Variants in BBS9 observed in about 807,000 individuals in gnomAD.
The protein encoded by BBS9 is protein PTHB1.
BBS9 carries 89 observed loss-of-function variants against 117.7 expected under a neutral mutation model. That is an observed-to-expected ratio of 0.76 (90% CI 0.64 to 0.90). The LOEUF (loss-of-function observed/expected upper bound fraction) is 0.90, where lower values mean the gene tolerates loss of function less well. Ranked by LOEUF, BBS9 falls within the 40% of genes least tolerant of loss-of-function variation. The pLI, the probability that BBS9 is intolerant of heterozygous loss-of-function variation, is 0.00. For synonymous variants in BBS9, 379 were observed against 370.9 expected, an observed-to-expected ratio of 1.02 and a Z score of -0.25; for missense variants, 982 against 1,042.2, an observed-to-expected ratio of 0.94 and a Z score of 0.80.
intron 16 of BBS9, among the ~76,000 whole-genome samples, chr7:33,365,884 G>A (rs1821606654): frequency 6.6e-6 from 1 of 152,204 alleles, no homozygotes; most frequent in Non-Finnish European, 1.5e-5. Flanking sequence ...TATGGCAGGT[G>A]ATGTAATGAC....
intron 19 of BBS9, among the ~76,000 whole-genome samples, chr7:33,413,611 C>T (rs747180131): frequency 6.6e-6 from 1 of 151,866 alleles, no homozygotes; most frequent in Non-Finnish European, 1.5e-5. Context: ...TCTTGTCTTA[C>T]AAGACCACCT....
chr7:33,602,685 C>T (rs781650463), intron 21 of BBS9, among the ~76,000 whole-genome samples: 46 of 152,046 alleles, frequency 3.0e-4, no homozygotes, highest in Non-Finnish European at 4.4e-4. Context: ...GCCGAGTTCA[C>T]GCCATTGCAC....
At chr7:33,438,050 A>G (rs939951459) in intron 19 of BBS9, among the ~76,000 whole-genome samples, 1 of 152,208 alleles carries the variant, frequency 6.6e-6, no homozygotes, top group Admixed American at 6.5e-5. Flanking sequence ...AGAAAAGCAT[A>G]TTGTAACACC....
At chr7:33,458,438 A>G (rs1838964574) in intron 19 of BBS9, among the ~76,000 whole-genome samples, 1 of 152,186 alleles carries the variant, frequency 6.6e-6, no homozygotes, top group Non-Finnish European at 1.5e-5. Flanking sequence ...TTAAATTTCT[A>G]GTCCATTTGT....
At chr7:33,587,362 CT>C (rs1311967564) in intron 21 of BBS9, among the ~76,000 whole-genome samples, 1 of 152,122 alleles carries the variant, frequency 6.6e-6, no homozygotes, top group African/African-American at 2.4e-5. Flanking sequence ...TCTACATCCC[CT>C]TTCCTTAACC....
At chr7:33,634,927 C>T (rs748702732) in intron 21 of BBS9, among the ~76,000 whole-genome samples, 6 of 152,232 alleles carry the variant, frequency 3.9e-5, no homozygotes, top group Non-Finnish European at 7.3e-5. Context: ...ACTCCTCACA[C>T]ATCCCTGCTC....
intron 21 of BBS9, among the ~76,000 whole-genome samples, chr7:33,577,449 TG>T (rs907733204): frequency 6.6e-6 from 1 of 152,196 alleles, no homozygotes; most frequent in Admixed American, 6.5e-5. Flanking sequence ...TTTACACTGT[TG>T]GTGGGAGTGT....
intron 19 of BBS9, among the ~76,000 whole-genome samples, chr7:33,456,462 T>A (rs1043325793): frequency 2.0e-5 from 3 of 152,174 alleles, no homozygotes; most frequent in African/African-American, 7.2e-5. Context: ...AACCTGTGCC[T>A]GTACTAATTT....
intron 5 of BBS9, among the ~76,000 whole-genome samples, chr7:33,197,879 G>T (rs1785188359): frequency 6.6e-6 from 1 of 151,774 alleles, no homozygotes; most frequent in Non-Finnish European, 1.5e-5. Flanking sequence ...TTCTAATATT[G>T]GTAGGCATGC....
chr7:33,462,060 GT>G (rs1353373000), intron 19 of BBS9, among the ~76,000 whole-genome samples: 3 of 152,000 alleles, frequency 2.0e-5, no homozygotes, highest in Admixed American at 1.3e-4. Context: ...AAGATGTATA[GT>G]TTTTTTGTAG....
rs186390458 is a variant in BBS9, at chr7:33,483,352, G to C, written c.2116-22111G>C. Reference sequence around the variant, plus strand: ...TAAATTTTCCGGAACTTTCTATGCTGTAACTTTTGCTTTTTTCACGTGGCT... The same window carrying C: ...TAAATTTTCCGGAACTTTCTATGCTCTAACTTTTGCTTTTTTCACGTGGCT... On this transcript the variant is annotated intron_variant, in intron 19 of 22. Coordinates refer to ENST00000242067, the MANE Select transcript of BBS9 (RefSeq NM_198428.3). Among the ~76,000 whole-genome samples the C allele has an allele frequency of 6.3e-3, 954 of 152,290 alleles. 12 individuals carry two copies. The highest frequency in any genetic ancestry group is 0.022 in the African/African-American group (919 of 41,546).
rs1466761703 is a variant in BBS9, at chr7:33,257,361, A to G, written c.568A>G (p.Thr190Ala). 1.9e-6 allele frequency: 3 copies of G among 1,613,890 alleles called. No homozygotes were observed. Among genetic ancestry groups the G allele is most frequent in the Non-Finnish European group, 1.7e-6 (2 of 1,179,928 alleles). The change falls in exon 6 of 23, where the codon ACA becomes GCA. Residue 190 changes from threonine (T) to alanine (A), a missense_variant. Physicochemically the swap from Thr to Ala is moderately conservative, Grantham distance 58. Coordinates refer to ENST00000242067, the MANE Select transcript of BBS9 (RefSeq NM_198428.3). Reference sequence around the variant, plus strand: ...TGGTCCTCTTGCCTACAGTTCCCGTACAGATTCCTTCCTTACTGTCTCTTC... The same window carrying G: ...TGGTCCTCTTGCCTACAGTTCCCGTGCAGATTCCTTCCTTACTGTCTCTTC... ...LPGPLAYSSRTDSFLTVSSCQ... is the reference protein window; with the variant it reads ...LPGPLAYSSRADSFLTVSSCQ...
intron 19 of BBS9, among the ~76,000 whole-genome samples, chr7:33,409,492 T>C (rs1393800070): frequency 1.3e-5 from 2 of 152,220 alleles, no homozygotes; most frequent in East Asian, 1.9e-4. Flanking sequence ...CTGGGTTCTG[T>C]ATTATCTTCT....
Position 33,349,380 on chromosome 7 carries a change from A to T in BBS9, c.1432+210A>T, listed in dbSNP as rs17170198. On this transcript the variant is annotated intron_variant, in intron 13 of 22. Coordinates refer to ENST00000242067, the MANE Select transcript of BBS9 (RefSeq NM_198428.3). ...TGTTGGGTCAAATTAATCTTTTACG[A>T]TTACAGATTTCTAGGTGCTTTTCTG... is the stretch of plus-strand genomic sequence containing the variant. The T allele has an allele frequency of 4.3e-3, 2,481 of 582,362 alleles. 55 individuals carry two copies. Among genetic ancestry groups the T allele is most frequent in the African/African-American group, 0.041 (2,249 of 54,226 alleles). 36.1% of individuals were successfully genotyped at this position (582,362 alleles called of 1,614,324 possible). A position where few individuals can be genotyped will look rare whatever the true frequency, so the allele number is the denominator to read the frequency against.
intron 19 of BBS9, among the ~76,000 whole-genome samples, chr7:33,412,945 A>G (rs1831392051): frequency 6.6e-6 from 1 of 152,194 alleles, no homozygotes; most frequent in Admixed American, 6.5e-5. Flanking sequence ...AAATGATTTT[A>G]TGTAAAATTT....
intron 7 of BBS9, among the ~76,000 whole-genome samples, chr7:33,265,522 A>G (rs1366198900): frequency 3.3e-5 from 5 of 152,006 alleles, no homozygotes; most frequent in Non-Finnish European, 7.4e-5. Context: ...CAGTTTCCTC[A>G]TTTGCAAAGT....
intron 21 of BBS9, among the ~76,000 whole-genome samples, chr7:33,567,655 C>G (rs1857127425): frequency 6.6e-6 from 1 of 152,146 alleles, no homozygotes; most frequent in Non-Finnish European, 1.5e-5. Context: ...GATGACTTCT[C>G]AATTTGAATT....
intron 21 of BBS9, among the ~76,000 whole-genome samples, chr7:33,564,941 A>G (rs1856623939): frequency 1.3e-5 from 2 of 152,210 alleles, no homozygotes; most frequent in South Asian, 4.1e-4. Context: ...TATAACATCA[A>G]AAGGAAATAT....
intron 19 of BBS9, among the ~76,000 whole-genome samples, chr7:33,437,371 C>G (rs1201765470): frequency 6.6e-6 from 1 of 152,134 alleles, no homozygotes; most frequent in African/African-American, 2.4e-5. Flanking sequence ...GAGCCAAGTG[C>G]TATATCAGGT....
Sources: allele counts gnomAD v4.1 joint callset (sites outside exome capture counted in the v4.1 genomes callset), GRCh38; gene constraint gnomAD v4.1.1; transcripts MANE v1.5; gene names NCBI Gene and HGNC (gene_info 2026-07-23, HGNC 2026-07-21).